RUFY2: variants seen among roughly 807,000 people sequenced by gnomAD.
The protein encoded by RUFY2 is RUN and FYVE domain-containing protein 2.
RUFY2 carries 49 observed loss-of-function variants against 94.4 expected under a neutral mutation model. The observed-to-expected ratio is 0.52, with a 90% CI of 0.41 to 0.66. The LOEUF (loss-of-function observed/expected upper bound fraction) is 0.66. Among genes scored for constraint, RUFY2 ranks in the 30% least tolerant of loss-of-function variants. The pLI, the probability that RUFY2 is intolerant of heterozygous loss-of-function variation, is 0.00. For missense variants in RUFY2, 541 were observed against 692.8 expected (o/e 0.78, Z 2.46); for synonymous variants, 255 against 235.7 (o/e 1.08, Z -0.75).
chr10:68,354,335 C>A (rs1321183015), intron 16 of RUFY2, among the ~76,000 whole-genome samples: 1 of 152,016 alleles, frequency 6.6e-6, no homozygotes, highest in Non-Finnish European at 1.5e-5. Flanking sequence ...CACCACCACA[C>A]CTGGCTAATT....
chr10:68,348,213 G>A (rs1589755595), intron 16 of RUFY2, among the ~76,000 whole-genome samples: 3 of 151,028 alleles, frequency 2.0e-5, no homozygotes, highest in Admixed American at 6.6e-5. Context: ...ATGCAGGACG[G>A]GGGCCAGGTG....
At chr10:68,392,212 T>C (rs1328997316) in intron 7 of RUFY2, among the ~76,000 whole-genome samples, 1 of 151,910 alleles carries the variant, frequency 6.6e-6, no homozygotes, top group Non-Finnish European at 1.5e-5. Flanking sequence ...TTGTTTTTTT[T>C]AGTAGAGACA....
chr10:68,406,055 CAACA>C (rs2051270012), intron 1 of RUFY2, among the ~76,000 whole-genome samples: 1 of 152,186 alleles, frequency 6.6e-6, no homozygotes, highest in African/African-American at 2.4e-5. Context: ...GGAATACCTT[CAACA>C]AACACAGATG....
chr10:68,374,548 A>T (rs2048495839), intron 13 of RUFY2, among the ~76,000 whole-genome samples: 2 of 152,206 alleles, frequency 1.3e-5, no homozygotes, highest in Admixed American at 1.3e-4. Flanking sequence ...GAAAAAATAT[A>T]TTTACCAATC....
chr10:68,400,412 C>T (rs1483133134), intron 3 of RUFY2, among the ~76,000 whole-genome samples: 2 of 152,114 alleles, frequency 1.3e-5, no homozygotes, highest in Non-Finnish European at 2.9e-5. Flanking sequence ...CACGGTGGCT[C>T]ACGCCTGTAA....
intron 7 of RUFY2, among the ~76,000 whole-genome samples, chr10:68,392,649 G>T (rs527551488): frequency 1.3e-5 from 2 of 151,796 alleles, no homozygotes; most frequent in African/African-American, 4.8e-5. Context: ...CGGGCCAGGC[G>T]TGGTGGTTCA....
chr10:68,397,900 G>A (rs962734334), intron 3 of RUFY2, among the ~76,000 whole-genome samples: 13 of 151,822 alleles, frequency 8.6e-5, no homozygotes, highest in South Asian at 2.1e-4. Context: ...AGGCCGAGGC[G>A]AGCGGATCAC....
chr10:68,366,759 T>TATATATATATATATATATAAAA (rs1235098742), intron 13 of RUFY2, among the ~76,000 whole-genome samples: 4 of 131,848 alleles, frequency 3.0e-5, no homozygotes, highest in Admixed American at 1.8e-4. Context: ...TATATATATA[T>TATATATATATATATATATAAAA]AATATTAAAT....
In RUFY2 at chr10:68,376,489, T is replaced by TATACATATATATATTC. The variant is rs58358117; in HGVS notation, c.1325+363_1325+364insGAATATATATATGTAT. Among the ~76,000 whole-genome samples the TATACATATATATATTC allele has an allele frequency of 9.6e-5, 5 of 51,838 alleles. 2 individuals are homozygous for TATACATATATATATTC. The highest frequency in any genetic ancestry group is 8.4e-4 in the Admixed American group (3 of 3,556). The allele number at this position is 51,838 out of a possible 152,430, so 34.0% of individuals were successfully genotyped here. Reference sequence around the variant, plus strand: ...ATATATATATATATATATATATATATATTCTCAGAAAACAGCATGTCCTTT... The same window carrying TATACATATATATATTC: ...ATATATATATATATATATATATATATATACATATATATATTCATTCTCAGAAAACAGCATGTCCTTT... On this transcript the variant is annotated intron_variant, in intron 13 of 17. Coordinates refer to ENST00000602465, the MANE Select transcript of RUFY2 (RefSeq NM_001330103.2).
intron 10 of RUFY2, among the ~76,000 whole-genome samples, chr10:68,383,389 T>C (rs2049237490): frequency 2.0e-5 from 3 of 148,904 alleles, no homozygotes; most frequent in South Asian, 4.3e-4. Context: ...GAGGCCAAGA[T>C]AGGCAGATCA....
chr10:68,400,839 G>A (rs191664494), intron 3 of RUFY2, among the ~76,000 whole-genome samples: 2,379 of 151,354 alleles, frequency 0.016, 35 homozygotes, highest in Non-Finnish European at 0.027. Flanking sequence ...GGTGAAACCC[G>A]ATCTCTACTA....
In RUFY2 at chr10:68,401,693, A is replaced by G; in HGVS notation, c.223T>C (p.Leu75=). ...GGGTACAGCTTCTCCACCAGTTCCAAAGGGCCCCAGATGGTTTTGTTGTAA... is the reference window on the plus strand; with the variant it reads ...GGGTACAGCTTCTCCACCAGTTCCAGAGGGCCCCAGATGGTTTTGTTGTAA... ...LSYNKTIWGP[L]ELVEKLYPEA... The change falls in exon 3 of 18, where the codon TTG becomes CTG. Residue 75 remains leucine (L), a synonymous_variant. Coordinates refer to ENST00000602465, the MANE Select transcript of RUFY2 (RefSeq NM_001330103.2). The G allele has an allele frequency of 6.2e-7, 1 of 1,614,018 alleles. No individual in the cohort carries two copies. The highest frequency in any genetic ancestry group is 1.1e-5 in the South Asian group (1 of 91,082).
chr10:68,401,715 G>GT lies in RUFY2; in HGVS notation c.200dup (p.Tyr67Ter). The GT allele has an allele frequency of 6.2e-7, 1 of 1,612,202 alleles. No homozygotes were observed. The highest frequency in any genetic ancestry group is 8.5e-7 in the Non-Finnish European group (1 of 1,178,420). ...GLKVRKSFLS[Y>*]NKTIWGPLEL... The stretch of plus-strand genomic sequence containing the variant: ...CCAAAGGGCCCCAGATGGTTTTGTT[G>GT]TAACTCAAAAATGATTTTCTTACTG... Residue 67 changes from tyrosine to a stop codon, truncating the protein, a stop_gained and frameshift_variant, in exon 3 of 18, where the codon TAC (tyrosine) becomes TAAC (stop). Coordinates refer to ENST00000602465, the MANE Select transcript of RUFY2 (RefSeq NM_001330103.2). LOFTEE classifies it high-confidence loss of function.
chr10:68,361,004 C>T (rs1405254656), intron 15 of RUFY2, among the ~76,000 whole-genome samples: 2 of 152,006 alleles, frequency 1.3e-5, no homozygotes, highest in Non-Finnish European at 2.9e-5. Context: ...AGTGAGGGGC[C>T]GGGCGTGGTG....
At chr10:68,395,604 TC>T (rs2050336921) in intron 4 of RUFY2, among the ~76,000 whole-genome samples, 1 of 152,190 alleles carries the variant, frequency 6.6e-6, no homozygotes, top group Admixed American at 6.6e-5. Context: ...CTTTGGGATA[TC>T]TACATTCTAA....
At chr10:68,407,022 C>A in intron 1 of RUFY2, 164 bp downstream of exon 1, 2 of 1,486,856 alleles carry the variant, frequency 1.3e-6, no homozygotes, top group Non-Finnish European at 1.8e-6. Context: ...ATGACGACCC[C>A]GGGAGCCCCC....
At chr10:68,347,260 A>G (rs2046345033) in intron 16 of RUFY2, among the ~76,000 whole-genome samples, 1 of 144,484 alleles carries the variant, frequency 6.9e-6, no homozygotes, top group African/African-American at 2.5e-5. Context: ...CTTAAGCAGT[A>G]TTTATGACAA....
At chr10:68,371,355 G>A (rs2048264960) in intron 13 of RUFY2, among the ~76,000 whole-genome samples, 1 of 151,888 alleles carries the variant, frequency 6.6e-6, no homozygotes, top group South Asian at 2.1e-4. Context: ...CCAGGTGGCA[G>A]AAGTTGCAGT....
At chr10:68,365,784 T>A (rs1020935638) in intron 13 of RUFY2, among the ~76,000 whole-genome samples, 1 of 151,436 alleles carries the variant, frequency 6.6e-6, no homozygotes, top group African/African-American at 2.4e-5. Context: ...TTTCACTCAG[T>A]CAGAGTTTCC....
Sources: allele counts gnomAD v4.1 joint callset (sites outside exome capture counted in the v4.1 genomes callset), GRCh38; gene constraint gnomAD v4.1.1; transcripts MANE v1.5; gene names NCBI Gene and HGNC (gene_info 2026-07-23, HGNC 2026-07-21).